SLC15A2: variants seen among roughly 807,000 people sequenced by gnomAD.
SLC15A2 encodes kidney H(+)/peptide cotransporter.
A neutral mutation model predicts 95.5 loss-of-function variants in SLC15A2; 77 were observed. The ratio of observed to expected loss-of-function variants is 0.81; its 90% CI spans 0.67 to 0.97. SLC15A2 has a LOEUF of 0.97. Ranked by LOEUF, SLC15A2 falls within the 50% of genes least tolerant of loss-of-function variation. SLC15A2 has a pLI of 0.00. For synonymous variants in SLC15A2, 306 were observed against 306.9 expected (o/e 1.00, Z 0.03); for missense variants, 893 against 874.4 (o/e 1.02, Z -0.27).
chr3:121,928,935 C>G (rs1316397), intron 15 of SLC15A2, 47 bp from the exon 16 acceptor site: 722,528 of 1,586,544 alleles, frequency 0.46, 169,080 homozygotes, highest in East Asian at 0.72. Context: ...GTCCAATATG[C>G]AGTAGAAGGT....
intron 17 of SLC15A2, among the ~76,000 whole-genome samples, chr3:121,930,296 G>A (rs1009727315): frequency 2.6e-5 from 4 of 152,168 alleles, no homozygotes; most frequent in African/African-American, 9.7e-5. Context: ...GATGGTCTTG[G>A]AAGGGTCCAA....
intron 3 of SLC15A2, among the ~76,000 whole-genome samples, chr3:121,907,896 G>A (rs1307166879): frequency 5.9e-5 from 9 of 152,242 alleles, no homozygotes; most frequent in East Asian, 1.9e-4. Context: ...GGGAGAACGA[G>A]TGCTCTCTTC....
At chr3:121,899,710 G>GGATGAA (rs1441942560) in intron 3 of SLC15A2, among the ~76,000 whole-genome samples, 8 of 152,088 alleles carry the variant, frequency 5.3e-5, no homozygotes, top group Non-Finnish European at 1.0e-4. Context: ...AAGGAACCAT[G>GGATGAA]GAGGATGAAG....
At chr3:121,918,685 G>A (rs527997287) in intron 7 of SLC15A2, among the ~76,000 whole-genome samples, 63 of 152,106 alleles carry the variant, frequency 4.1e-4, no homozygotes, top group Non-Finnish European at 7.1e-4. Flanking sequence ...TGGTAATAGC[G>A]TTATCTTGGA....
At chr3:121,899,927 T>C (rs541018279) in intron 3 of SLC15A2, among the ~76,000 whole-genome samples, 8 of 152,182 alleles carry the variant, frequency 5.3e-5, no homozygotes, top group Non-Finnish European at 1.0e-4. Flanking sequence ...TTGTTAACAT[T>C]TCAGTCTGTT....
chr3:121,914,373 T>C (rs1265721098), intron 5 of SLC15A2, among the ~76,000 whole-genome samples: 3 of 152,198 alleles, frequency 2.0e-5, no homozygotes, highest in Non-Finnish European at 4.4e-5. Context: ...AGTTGTTTCA[T>C]TTGGTAACTG....
chr3:121,940,656 A>C (rs1304408742), intron 21 of SLC15A2, among the ~76,000 whole-genome samples, 168 bp downstream of exon 21: 2 of 152,208 alleles, frequency 1.3e-5, no homozygotes, highest in Admixed American at 1.3e-4. Context: ...TGTAAGTGGC[A>C]ATAATGACTA....
chr3:121,914,196 A>C (rs1234592297), intron 5 of SLC15A2, among the ~76,000 whole-genome samples: 1 of 152,226 alleles, frequency 6.6e-6, no homozygotes, highest in South Asian at 2.1e-4. Flanking sequence ...TATACAAATT[A>C]GATAAGTGGA....
At chr3:121,940,726 TA>T in intron 21 of SLC15A2, 104 bp from the exon 22 acceptor site, 1 of 1,253,874 alleles carries the variant, frequency 8.0e-7, no homozygotes, top group Admixed American at 2.3e-5. Flanking sequence ...AAAGTCTGGT[TA>T]AACTGGTGAT....
chr3:121,906,719 G>A lies in SLC15A2; in HGVS notation c.336-4855G>A, dbSNP rs1014418902. Among the ~76,000 whole-genome samples the A allele has an allele frequency of 5.9e-5, 9 of 151,632 alleles. No individual in the cohort carries two copies. In the South Asian group the frequency reaches 1.0e-3, roughly 18 times the overall value. ...TCTTCTGGCTTGTAGGGTTTCTGGC[G>A]AGAGATCCACTGTTAGTCTGATGGG... On this transcript the variant is annotated intron_variant, in intron 3 of 21. Transcript: ENST00000489711.
intron 7 of SLC15A2, among the ~76,000 whole-genome samples, chr3:121,918,881 G>A (rs1470459754): frequency 1.3e-5 from 2 of 152,214 alleles, no homozygotes; most frequent in African/African-American, 4.8e-5. Context: ...AAATGTTACA[G>A]GATTCCTTCA....
intron 7 of SLC15A2, among the ~76,000 whole-genome samples, chr3:121,917,863 G>A (rs925086546): frequency 1.3e-5 from 2 of 152,114 alleles, no homozygotes; most frequent in Admixed American, 1.3e-4. Flanking sequence ...ACAAGAGGCT[G>A]AGAAATAGCA....
chr3:121,941,126 C>A lies in SLC15A2; in HGVS notation c.*119C>A. On this transcript the variant is annotated 3_prime_UTR_variant, in exon 22 of 22. Transcript: ENST00000489711. ...ATCAGAGCTGATCTCCTCCACCTTT[C>A]TCCAATGACAGAAGTTCCAGGACTG... 1.1e-6 allele frequency: 1 copy of A among 875,730 alleles called. No homozygotes were observed. Among genetic ancestry groups the A allele is most frequent in the Non-Finnish European group, 1.7e-6 (1 of 588,498 alleles). The allele number at this position is 875,730 out of a possible 1,614,324, so 54.2% of individuals were successfully genotyped here.
intron 19 of SLC15A2, among the ~76,000 whole-genome samples, chr3:121,934,831 T>C (rs1039560338): frequency 1.3e-5 from 2 of 152,062 alleles, no homozygotes; most frequent in Non-Finnish European, 2.9e-5. Context: ...AGGGCATCCC[T>C]GTCTTGTGCC....
At chr3:121,938,019 T>A (rs977972200) in intron 19 of SLC15A2, among the ~76,000 whole-genome samples, 1 of 150,798 alleles carries the variant, frequency 6.6e-6, no homozygotes, top group Non-Finnish European at 1.5e-5. Flanking sequence ...TTGGAGTACC[T>A]GGCCATGTGA....
At chr3:121,908,465 A>G (rs1456688723) in intron 3 of SLC15A2, among the ~76,000 whole-genome samples, 1 of 152,228 alleles carries the variant, frequency 6.6e-6, no homozygotes, top group East Asian at 1.9e-4. Flanking sequence ...TTCTGCATCA[A>G]CTACGCTGGG....
Position 121,924,346 on chromosome 3 carries a change from T to C in SLC15A2, c.1003-5T>C, listed in dbSNP as rs747088618. On this transcript the variant is annotated splice_region_variant and splice_polypyrimidine_tract_variant and intron_variant, in intron 11 of 21. Coordinates refer to ENST00000489711, the MANE Select transcript of SLC15A2 (RefSeq NM_021082.4). ...CAACTAAATTAATTTGTTAAAATGT[T>C]TCAGGGGTTTTTTGTGCTTCAGCCG... The C allele has an allele frequency of 6.2e-7, 1 of 1,612,954 alleles. No homozygotes were observed. Among genetic ancestry groups the C allele is most frequent in the Non-Finnish European group, 8.5e-7 (1 of 1,178,988 alleles).
At chr3:121,935,912 A>G (rs1346653804) in intron 19 of SLC15A2, among the ~76,000 whole-genome samples, 1 of 151,436 alleles carries the variant, frequency 6.6e-6, no homozygotes, top group Non-Finnish European at 1.5e-5. Flanking sequence ...AGTGCTATAA[A>G]TTTCCTTCTA....
chr3:121,894,821 T>A (rs868469605), intron 1 of SLC15A2, among the ~76,000 whole-genome samples: 1 of 152,222 alleles, frequency 6.6e-6, no homozygotes, highest in East Asian at 1.9e-4. Flanking sequence ...TGAATTTCAT[T>A]GCATATTCTG....
Sources: gnomAD v4.1 joint callset for allele counts (sites outside exome capture counted in the v4.1 genomes callset) on GRCh38, gnomAD v4.1.1 for gene constraint, MANE v1.5 for transcripts, NCBI Gene and HGNC (gene_info 2026-07-23, HGNC 2026-07-21) for gene names.